PPEF1: variants seen among roughly 807,000 people sequenced by gnomAD.
The protein encoded by PPEF1 is serine/threonine-protein phosphatase with EF-hands 1.
In PPEF1, 12 loss-of-function variants were observed where a neutral mutation model predicts 53.3. The ratio of observed to expected loss-of-function variants is 0.23; its 90% CI spans 0.14 to 0.36. The LOEUF is 0.36. Among genes scored for constraint, PPEF1 ranks in the 10% least tolerant of loss-of-function variants. The pLI, the probability that PPEF1 is intolerant of heterozygous loss-of-function variation, is 1.00. For synonymous variants in PPEF1, 165 were observed against 176.7 expected, an observed-to-expected ratio of 0.93 and a Z score of 0.52; for missense variants, 334 against 490.4, an observed-to-expected ratio of 0.68 and a Z score of 3.01.
At chrX:18,810,025 C>T (rs936735759) in intron 12 of PPEF1, among the ~76,000 whole-genome samples, 1 of 108,138 alleles carries the variant, frequency 9.2e-6, no homozygotes, top group Non-Finnish European at 1.9e-5. Context: ...ATTTTATTTG[C>T]CAGTTATAAA....
At chrX:18,693,518 A>G (rs1204100396) in intron 4 of PPEF1, among the ~76,000 whole-genome samples, 3 of 111,286 alleles carry the variant, frequency 2.7e-5, no homozygotes, top group Non-Finnish European at 5.7e-5. Context: ...CTCTGCAAAA[A>G]CCGCAGTTAC....
At chrX:18,730,547 A>C (rs2044812820) in intron 2 of PPEF1, among the ~76,000 whole-genome samples, 1 of 111,471 alleles carries the variant, frequency 9.0e-6, no homozygotes, top group Non-Finnish European at 1.9e-5. Flanking sequence ...CATCTGGTTA[A>C]CTAATAAAAA....
At chrX:18,698,654 G>A (rs1929871704) in intron 5 of PPEF1, among the ~76,000 whole-genome samples, 1 of 111,487 alleles carries the variant, frequency 9.0e-6, no homozygotes, top group Non-Finnish European at 1.9e-5. Flanking sequence ...GTGTGGTGGT[G>A]TACACCTGTA....
At chrX:18,692,915 G>A (rs1929488962) in intron 4 of PPEF1, among the ~76,000 whole-genome samples, 1 of 111,821 alleles carries the variant, frequency 8.9e-6, no homozygotes, top group Admixed American at 9.5e-5. Context: ...TCTTGAAATG[G>A]ACAGTGACAT....
At chrX:18,763,456 C>G (rs912071267) in intron 6 of PPEF1, among the ~76,000 whole-genome samples, 61 of 111,484 alleles carry the variant, frequency 5.5e-4, no homozygotes, top group African/African-American at 2.0e-3. Context: ...GCTCTTTGAG[C>G]TTTTAATATT....
chrX:18,724,051 G>C (rs1369903471), intron 1 of PPEF1, among the ~76,000 whole-genome samples: 1 of 111,610 alleles, frequency 9.0e-6, no homozygotes, highest in East Asian at 2.8e-4. Flanking sequence ...GCCTCCCAAA[G>C]TGCTAGGATT....
intron 6 of PPEF1, among the ~76,000 whole-genome samples, chrX:18,775,211 C>CTTTTTTTTTTTT (rs765208120): frequency 4.0e-5 from 2 of 50,166 alleles, no homozygotes; most frequent in Non-Finnish European, 3.3e-5. Context: ...TAACCCATTG[C>CTTTTTTTTTTTT]TTTTTTTTTT....
chrX:18,736,795 C>T (rs1167293552), intron 3 of PPEF1, among the ~76,000 whole-genome samples: 1 of 112,374 alleles, frequency 8.9e-6, no homozygotes, highest in Non-Finnish European at 1.9e-5. Context: ...TAATTATTGC[C>T]TCAATTTCAG....
At chrX:18,752,072 G>A (rs892492021) in intron 4 of PPEF1, among the ~76,000 whole-genome samples, 9 of 111,998 alleles carry the variant, frequency 8.0e-5, no homozygotes, top group Non-Finnish European at 1.7e-4. Context: ...TAGGGATTGC[G>A]TTGAATTGCT....
chrX:18,721,042 T>C (rs1186257806), intron 1 of PPEF1, among the ~76,000 whole-genome samples: 3 of 111,698 alleles, frequency 2.7e-5, no homozygotes. Flanking sequence ...CCTCCAGTTT[T>C]ATATAGATTT....
chrX:18,685,163 T>C (rs1280032557), intron 2 of PPEF1, among the ~76,000 whole-genome samples: 1 of 112,405 alleles, frequency 8.9e-6, no homozygotes, highest in African/African-American at 3.2e-5. Flanking sequence ...GCCTCTAAGC[T>C]TTCTGCACAG....
chrX:18,705,584 G>A (rs1342096905), upstream of PPEF1, among the ~76,000 whole-genome samples: 2 of 111,324 alleles, frequency 1.8e-5, no homozygotes, highest in South Asian at 3.8e-4. Flanking sequence ...GCATGGTGGC[G>A]CATGCCTGTA....
chrX:18,713,273 T>G (rs2147303012), intron 1 of PPEF1, among the ~76,000 whole-genome samples: 1 of 111,556 alleles, frequency 9.0e-6, no homozygotes, highest in South Asian at 3.8e-4. Flanking sequence ...GTAGTTTTTT[T>G]GATTACTTAT....
At chrX:18,715,577 A>C (rs1239693175) in intron 1 of PPEF1, among the ~76,000 whole-genome samples, 1 of 111,807 alleles carries the variant, frequency 8.9e-6, no homozygotes, top group East Asian at 2.8e-4. Context: ...TTGTTATTTT[A>C]TTTCTTTTGT....
chrX:18,798,078 AT>A (rs757854645), intron 10 of PPEF1, among the ~76,000 whole-genome samples: 2,440 of 104,883 alleles, frequency 0.023, 62 homozygotes, highest in African/African-American at 0.078. Flanking sequence ...CAAAATTGCA[AT>A]TTTTTTTTTT....
intron 1 of PPEF1, among the ~76,000 whole-genome samples, chrX:18,710,253 T>G (rs756088464): frequency 9.8e-5 from 11 of 112,351 alleles, no homozygotes; most frequent in Non-Finnish European, 1.9e-4. Context: ...GATACAAGTT[T>G]CCTATCAAAT....
exon 1 of PPEF1, chrX:18,676,096 C>A (rs1177286634): frequency 2.7e-5 from 3 of 110,158 alleles, no homozygotes; most frequent in African/African-American, 1.0e-4. Flanking sequence ...TCAGCCAACT[C>A]CTGTCTTCCT....
chrX:18,740,726 G>C (rs370034137), intron 3 of PPEF1, among the ~76,000 whole-genome samples: 3 of 111,176 alleles, frequency 2.7e-5, no homozygotes, highest in Non-Finnish European at 5.7e-5. Context: ...TCTTTGATCT[G>C]TCTGTCTGTC....
intron 9 of PPEF1, among the ~76,000 whole-genome samples, chrX:18,786,460 T>G (rs2046201305): frequency 9.0e-6 from 1 of 111,567 alleles, no homozygotes; most frequent in African/African-American, 3.3e-5. Flanking sequence ...ATTGGATTTT[T>G]GGGAGGATTA....
Sources: gnomAD v4.1 joint callset for allele counts (sites outside exome capture counted in the v4.1 genomes callset) on GRCh38, gnomAD v4.1.1 for gene constraint, MANE v1.5 for transcripts, NCBI Gene and HGNC (gene_info 2026-07-23, HGNC 2026-07-21) for gene names.